Variants in ARFIP1 observed in about 807,000 individuals in gnomAD.
ARFIP1 encodes arfaptin-1.
In ARFIP1, 24 loss-of-function variants were observed where a neutral mutation model predicts 42.5. The ratio of observed to expected loss-of-function variants is 0.57; its 90% CI spans 0.41 to 0.80. ARFIP1 has a LOEUF of 0.80. ARFIP1 is among the 30% of genes least tolerant of loss of function. ARFIP1 has a pLI of 0.00. For synonymous variants in ARFIP1, 141 were observed against 153.7 expected, an observed-to-expected ratio of 0.92 and a Z score of 0.61; for missense variants, 354 against 434.0, an observed-to-expected ratio of 0.82 and a Z score of 1.64.
At chr4:152,793,155 ACTT>A (rs1657675197) in intron 1 of ARFIP1, among the ~76,000 whole-genome samples, 2 of 152,000 alleles carry the variant, frequency 1.3e-5, no homozygotes, top group African/African-American at 2.4e-5. Context: ...TAGGTCATTA[ACTT>A]CTTAAGTCTT....
intron 2 of ARFIP1, among the ~76,000 whole-genome samples, chr4:152,838,404 A>ATTTT (rs1731820583): frequency 6.6e-6 from 1 of 152,198 alleles, no homozygotes; most frequent in Non-Finnish European, 1.5e-5. Flanking sequence ...CCCATCCATG[A>ATTTT]GTATGGGATG....
chr4:152,782,540 A>G (rs2149810744), intron 1 of ARFIP1, among the ~76,000 whole-genome samples: 1 of 152,310 alleles, frequency 6.6e-6, no homozygotes, highest in African/African-American at 2.4e-5. Flanking sequence ...CCAACTAGGC[A>G]CAGTTCAGAG....
intron 1 of ARFIP1, among the ~76,000 whole-genome samples, chr4:152,814,555 T>G (rs541495303): frequency 3.6e-4 from 54 of 151,948 alleles, no homozygotes; most frequent in Non-Finnish European, 6.3e-4. Context: ...TACAAAAAAT[T>G]AAAAAACAAA....
chr4:152,874,125 T>C (rs1305994492), intron 5 of ARFIP1, among the ~76,000 whole-genome samples: 1 of 152,218 alleles, frequency 6.6e-6, no homozygotes, highest in Non-Finnish European at 1.5e-5. Context: ...CATTATCTAT[T>C]TGTTCCTATG....
chr4:152,830,676 AC>A (rs1217349376), intron 2 of ARFIP1, among the ~76,000 whole-genome samples: 1 of 152,182 alleles, frequency 6.6e-6, no homozygotes, highest in South Asian at 2.1e-4. Context: ...GCCAAATTGT[AC>A]TTTGTTGGGT....
At chr4:152,858,375 A>G (rs1002824225) in intron 2 of ARFIP1, among the ~76,000 whole-genome samples, 1 of 152,118 alleles carries the variant, frequency 6.6e-6, no homozygotes, top group Non-Finnish European at 1.5e-5. Flanking sequence ...TTTGTTTTTT[A>G]TGGACTTAGT....
At chr4:152,905,447 A>T (rs1738233533) in intron 8 of ARFIP1, among the ~76,000 whole-genome samples, 1 of 141,518 alleles carries the variant, frequency 7.1e-6, no homozygotes, top group African/African-American at 2.7e-5. Flanking sequence ...GCATCTTTTT[A>T]TGTGCTTATT....
At chr4:152,780,907 T>C (rs751347210) in intron 1 of ARFIP1, among the ~76,000 whole-genome samples, 1 of 152,252 alleles carries the variant, frequency 6.6e-6, no homozygotes, top group Non-Finnish European at 1.5e-5. Flanking sequence ...TGTTTTGTTC[T>C]TACCTTCCTC....
At chr4:152,815,135 C>T (rs761760770) in intron 1 of ARFIP1, among the ~76,000 whole-genome samples, 1 of 152,106 alleles carries the variant, frequency 6.6e-6, no homozygotes, top group African/African-American at 2.4e-5. Flanking sequence ...CCCTGTATCT[C>T]AGATTTTGGG....
Position 152,898,314 on chromosome 4 carries a change from T to G in ARFIP1, c.966+10007T>G, listed in dbSNP as rs567894987. 2.0e-5 allele frequency among the ~76,000 whole-genome samples: 3 copies of G among 152,250 alleles called. No homozygotes were observed. The East Asian group carries it at 5.8e-4, about 29-fold the overall frequency. ...TCTTTTTAACCTTTTCTTGAAATTC[T>G]CTCAGTAATGACTCAGCGTTTTCAT... On this transcript the variant is annotated intron_variant, in intron 8 of 8. Transcript: ENST00000353617.
At chr4:152,800,619 T>C (rs1018902318) in intron 1 of ARFIP1, among the ~76,000 whole-genome samples, 2 of 152,136 alleles carry the variant, frequency 1.3e-5, no homozygotes, top group African/African-American at 4.8e-5. Context: ...TATCCTGAGA[T>C]TGTAGTCTTA....
intron 5 of ARFIP1, among the ~76,000 whole-genome samples, chr4:152,876,522 G>T (rs2149888041): frequency 6.6e-6 from 1 of 152,330 alleles, no homozygotes; most frequent in Non-Finnish European, 1.5e-5. Flanking sequence ...AGTTTTATAA[G>T]GGAAGCAGAG....
intron 5 of ARFIP1, among the ~76,000 whole-genome samples, chr4:152,873,536 A>G (rs1450174344): frequency 6.6e-6 from 1 of 152,212 alleles, no homozygotes; most frequent in African/African-American, 2.4e-5. Flanking sequence ...GTAGTCTTCA[A>G]AAAGTGATGC....
intron 1 of ARFIP1, among the ~76,000 whole-genome samples, chr4:152,828,383 G>T (rs1731005201): frequency 6.6e-6 from 1 of 152,214 alleles, no homozygotes; most frequent in African/African-American, 2.4e-5. Flanking sequence ...GGTGTTGTCA[G>T]TGTTACAGGA....
intron 1 of ARFIP1, among the ~76,000 whole-genome samples, chr4:152,780,596 C>T (rs1370900265): frequency 1.3e-5 from 2 of 152,156 alleles, no homozygotes; most frequent in Non-Finnish European, 2.9e-5. Context: ...TCATTTCTCC[C>T]CTCTTCTCCC....
chr4:152,854,447 C>T (rs1733256195), intron 2 of ARFIP1, among the ~76,000 whole-genome samples: 1 of 151,962 alleles, frequency 6.6e-6, no homozygotes, highest in South Asian at 2.1e-4. Context: ...AGTTTGAATT[C>T]TTTTTCCAAG....
chr4:152,804,468 A>ATATAACATGCATTATATATAT lies in ARFIP1; in HGVS notation c.-10+24246_-10+24247insACATGCATTATATATATTATA, dbSNP rs1491239893. ...TTATATATATTATATATAATATATA[A>ATATAACATGCATTATATATAT]TATATATAATATATATTATTTATAT... is the stretch of plus-strand genomic sequence containing the variant. On this transcript the variant is annotated intron_variant, in intron 1 of 8. Coordinates refer to ENST00000353617, the MANE Select transcript of ARFIP1 (RefSeq NM_001025595.3). Among the ~76,000 whole-genome samples the ATATAACATGCATTATATATAT allele has an allele frequency of 1.1e-3, 121 of 107,974 alleles. 2 individuals carry two copies. Among genetic ancestry groups the ATATAACATGCATTATATATAT allele is most frequent in the Middle Eastern group, 4.3e-3 (1 of 232 alleles). 70.8% of individuals were successfully genotyped at this position (107,974 alleles called of 152,430 possible).
chr4:152,782,541 C>A (rs1270496120), intron 1 of ARFIP1, among the ~76,000 whole-genome samples: 1 of 152,156 alleles, frequency 6.6e-6, no homozygotes, highest in African/African-American at 2.4e-5. Context: ...CAACTAGGCA[C>A]AGTTCAGAGT....
intron 1 of ARFIP1, among the ~76,000 whole-genome samples, chr4:152,811,538 AC>A (rs536135144): frequency 3.1e-3 from 467 of 152,346 alleles, no homozygotes; most frequent in African/African-American, 8.8e-3. Flanking sequence ...ATATCAAAGT[AC>A]ATTTCATGTT....
Sources: gnomAD v4.1 joint callset for allele counts (sites outside exome capture counted in the v4.1 genomes callset) on GRCh38, gnomAD v4.1.1 for gene constraint, MANE v1.5 for transcripts, NCBI Gene and HGNC (gene_info 2026-07-23, HGNC 2026-07-21) for gene names.